Variants in GRK1 observed in about 807,000 individuals in gnomAD.
GRK1 encodes G protein-coupled receptor kinase 1.
In GRK1, 28 loss-of-function variants were observed where a neutral mutation model predicts 41.7. The ratio of observed to expected loss-of-function variants is 0.67; its 90% confidence interval spans 0.50 to 0.92. The LOEUF (loss-of-function observed/expected upper bound fraction) is 0.92, where lower values mean the gene tolerates loss of function less well. Ranked by LOEUF, GRK1 falls within the 40% of genes least tolerant of loss-of-function variation. GRK1 has a pLI of 0.00. For synonymous variants in GRK1, 327 were observed against 286.7 expected, an observed-to-expected ratio of 1.14 and a Z score of -1.42; for missense variants, 703 against 671.2, an observed-to-expected ratio of 1.05 and a Z score of -0.52.
chr13:113,728,232 CGAGGAGTACCCATGGCGAT>C lies in GRK1; in HGVS notation c.1070-2924_1070-2906del, dbSNP rs1566696945. ...CCATGGCGATGAGGAGTACCCATGG[CGAGGAGTACCCATGGCGAT>C]GAGGAGTACCCATGGCGATGAGGAG... On this transcript the variant is annotated intron_variant, in intron 4 of 6. Transcript: ENST00000335678. Among the ~76,000 whole-genome samples, 319 of 39,478 alleles carry C rather than the reference CGAGGAGTACCCATGGCGAT, an allele frequency of 8.1e-3. 12 individuals carry two copies. Among genetic ancestry groups the C allele is most frequent in the Admixed American group, 0.013 (44 of 3,440 alleles). 25.9% of individuals were successfully genotyped at this position (39,478 alleles called of 152,430 possible).
chr13:113,733,107 C>A (rs745481170), intron 6 of GRK1, 22 bp downstream of exon 6: 1 of 1,529,066 alleles, frequency 6.5e-7, no homozygotes, highest in Admixed American at 2.0e-5. Flanking sequence ...CGCCTCAGCC[C>A]CGGAGAGGGT....
chr13:113,668,835 G>A (rs986788617), intron 1 of GRK1, among the ~76,000 whole-genome samples: 1 of 152,246 alleles, frequency 6.6e-6, no homozygotes, highest in Non-Finnish European at 1.5e-5. Flanking sequence ...TGCACAGGAA[G>A]CTCTTAGGGT....
the GRK1 span, among the ~76,000 whole-genome samples, chr13:113,657,537 G>T: frequency 2.0e-5 from 3 of 152,208 alleles, no homozygotes; most frequent in Non-Finnish European, 4.4e-5. Context: ...CTCGCACAAG[G>T]CGCAGGTGCT....
chr13:113,733,736 T>C (rs1190720816), intron 6 of GRK1, among the ~76,000 whole-genome samples: 7 of 126,166 alleles, frequency 5.5e-5, no homozygotes, highest in East Asian at 2.0e-4. Context: ...CGCGCGTGTG[T>C]ATGTGTGCAT....
the GRK1 span, chr13:113,649,557 G>A: frequency 1.4e-6 from 2 of 1,470,178 alleles, no homozygotes; most frequent in Non-Finnish European, 1.8e-6. The surrounding 1 kb of genome is among the most constrained non-coding windows in gnomAD (Gnocchi z 4.7). Context: ...GTGAGGAAAG[G>A]ACAGGTGTTT....
At chr13:113,669,376 A>T (rs2049841166) in intron 1 of GRK1, among the ~76,000 whole-genome samples, 1 of 152,250 alleles carries the variant, frequency 6.6e-6, no homozygotes, top group Non-Finnish European at 1.5e-5. Flanking sequence ...ATTGCTGGGC[A>T]GGCGGGGCTG....
chr13:113,728,093 T>G (rs1361634215), intron 4 of GRK1, among the ~76,000 whole-genome samples: 5 of 58,944 alleles, frequency 8.5e-5, no homozygotes, highest in Non-Finnish European at 1.2e-4. Context: ...CAATGAGGAG[T>G]ACCCATGGCA....
At chr13:113,730,207 T>C (rs1594578315) in intron 4 of GRK1, among the ~76,000 whole-genome samples, 1 of 83,562 alleles carries the variant, frequency 1.2e-5, no homozygotes, top group South Asian at 4.8e-4. Context: ...GACCCGTCCC[T>C]CCATCCCGAC....
the GRK1 span, among the ~76,000 whole-genome samples, chr13:113,659,430 C>A: frequency 1.3e-5 from 2 of 152,166 alleles, no homozygotes; most frequent in Non-Finnish European, 2.9e-5. Flanking sequence ...CCCGTGTAAC[C>A]AAATTCATTT....
chr13:113,724,093 G>C (rs749919573), intron 4 of GRK1, among the ~76,000 whole-genome samples: 8 of 152,138 alleles, frequency 5.3e-5, no homozygotes, highest in Non-Finnish European at 1.2e-4. Context: ...CCTCCCCCCA[G>C]GCAGGGAGGC....
At chr13:113,658,157 G>C in the GRK1 span, 2 of 1,607,910 alleles carry the variant, frequency 1.2e-6, no homozygotes, top group South Asian at 1.1e-5. Flanking sequence ...TCCCTGGCCT[G>C]AGATCCTCCC....
At chr13:113,668,983 A>G (rs1028506331) in intron 1 of GRK1, among the ~76,000 whole-genome samples, 6 of 152,268 alleles carry the variant, frequency 3.9e-5, no homozygotes, top group Non-Finnish European at 5.9e-5. Flanking sequence ...GCGAGTAACT[A>G]TGCTGTGTGG....
At chr13:113,656,687 G>A in the GRK1 span, among the ~76,000 whole-genome samples, 8 of 152,178 alleles carry the variant, frequency 5.3e-5, no homozygotes, top group African/African-American at 1.9e-4. Context: ...TATTCCTTTT[G>A]TTTTTGTCAT....
intron 6 of GRK1, among the ~76,000 whole-genome samples, chr13:113,734,069 T>C (rs1042950203): frequency 3.3e-5 from 5 of 152,092 alleles, no homozygotes; most frequent in Admixed American, 6.5e-5. Flanking sequence ...TGCATGTGTG[T>C]GCGTGTATGT....
chr13:113,655,867 G>A, the GRK1 span, among the ~76,000 whole-genome samples: 2 of 152,356 alleles, frequency 1.3e-5, no homozygotes, highest in East Asian at 3.9e-4. Flanking sequence ...AGGGAGTGCA[G>A]GGCCAAGAGG....
chr13:113,653,099 T>A, the GRK1 span: 1 of 1,594,064 alleles, frequency 6.3e-7, no homozygotes, highest in Non-Finnish European at 8.6e-7. Flanking sequence ...CTGCCAGCCC[T>A]GTCCTGCCCT....
At chr13:113,649,403 C>T in the GRK1 span, 5 of 1,594,716 alleles carry the variant, frequency 3.1e-6, no homozygotes, top group Non-Finnish European at 4.3e-6. This position sits in a 1 kb window ranked among gnomAD's most constrained non-coding sequence, Gnocchi z 4.7. Context: ...TTGAACTCCA[C>T]TTTCCCTTCA....
chr13:113,656,245 T>C, the GRK1 span, among the ~76,000 whole-genome samples: 1 of 152,182 alleles, frequency 6.6e-6, no homozygotes, highest in Non-Finnish European at 1.5e-5. Flanking sequence ...GTGGCTTCTA[T>C]TTGACTTGGC....
At chr13:113,668,159 C>G (rs2049832808) in intron 1 of GRK1, 74 bp downstream of exon 1, 1 of 1,459,248 alleles carries the variant, frequency 6.9e-7, no homozygotes, top group African/African-American at 1.4e-5. Context: ...GCAGAGGGCC[C>G]CCAGGTCACT....
Sources: gnomAD v4.1 joint callset for allele counts (sites outside exome capture counted in the v4.1 genomes callset) on GRCh38, gnomAD v4.1.1 for gene constraint, Gnocchi (gnomAD v3.1) non-coding constraint, MANE v1.5 for transcripts, NCBI Gene and HGNC (gene_info 2026-07-23, HGNC 2026-07-21) for gene names.